Variants in ATXN1 observed in about 807,000 individuals in gnomAD.
The protein encoded by ATXN1 is ataxin 1.
ATXN1 carries 8 observed loss-of-function variants against 56.4 expected under a neutral mutation model. That is an observed-to-expected ratio of 0.14 (90% CI 0.08 to 0.26). The LOEUF (loss-of-function observed/expected upper bound fraction) is 0.26. Ranked by LOEUF, ATXN1 falls within the 10% of genes least tolerant of loss-of-function variation. The probability of loss-of-function intolerance (pLI) is 1.00; values close to 1 mark genes in which losing one functional copy is unlikely to be tolerated. For synonymous variants in ATXN1, 514 were observed against 494.6 expected, an observed-to-expected ratio of 1.04 and a Z score of -0.52; for missense variants, 987 against 1,106.5, an observed-to-expected ratio of 0.89 and a Z score of 1.53.
chr6:16,585,351 T>C (rs1186984230), intron 4 of ATXN1, among the ~76,000 whole-genome samples: 2 of 152,172 alleles, frequency 1.3e-5, no homozygotes, highest in Non-Finnish European at 2.9e-5. Context: ...TACTAATCAT[T>C]AATAACTATA....
intron 6 of ATXN1, among the ~76,000 whole-genome samples, chr6:16,399,365 T>C (rs1758520480): frequency 6.6e-6 from 1 of 152,192 alleles, no homozygotes; most frequent in Admixed American, 6.5e-5. Context: ...GAAAGGACTT[T>C]CCCTGCTGTT....
intron 4 of ATXN1, among the ~76,000 whole-genome samples, chr6:16,547,471 G>A (rs1761835251): frequency 6.6e-6 from 1 of 152,150 alleles, no homozygotes. Context: ...GAGAAGCGGT[G>A]GTGTGTGTGG....
At chr6:16,533,628 A>C (rs1761544739) in intron 4 of ATXN1, among the ~76,000 whole-genome samples, 1 of 152,196 alleles carries the variant, frequency 6.6e-6, no homozygotes, top group Admixed American at 6.5e-5. Context: ...GAAAGGGCAA[A>C]GAGGTAAAAG....
At chr6:16,555,957 T>C (rs753193389) in intron 4 of ATXN1, among the ~76,000 whole-genome samples, 6 of 152,240 alleles carry the variant, frequency 3.9e-5, no homozygotes, top group Non-Finnish European at 7.3e-5. Context: ...AATACCTCTC[T>C]AGTTTGGCTT....
chr6:16,389,605 C>T (rs1304580803), intron 6 of ATXN1, among the ~76,000 whole-genome samples: 1 of 152,194 alleles, frequency 6.6e-6, no homozygotes, highest in African/African-American at 2.4e-5. Flanking sequence ...ACAATCCTTT[C>T]ACTACAAGAA....
At chr6:16,581,474 G>A (rs1375454965) in intron 4 of ATXN1, among the ~76,000 whole-genome samples, 1 of 152,042 alleles carries the variant, frequency 6.6e-6, no homozygotes, top group Admixed American at 6.6e-5. Flanking sequence ...GGCCTAAGGA[G>A]ATAAAAGAAA....
At chr6:16,738,684 C>A (rs1158536039) in intron 2 of ATXN1, 1 of 152,210 alleles carries the variant, frequency 6.6e-6, no homozygotes, top group Non-Finnish European at 1.5e-5. Flanking sequence ...GGCACTGGCC[C>A]TGGCTTAGAA....
chr6:16,331,970 T>C (rs930023734), intron 6 of ATXN1, among the ~76,000 whole-genome samples: 4 of 152,256 alleles, frequency 2.6e-5, no homozygotes, highest in African/African-American at 9.6e-5. Flanking sequence ...CTAAGACATA[T>C]TGGCCTTAAC....
intron 3 of ATXN1, among the ~76,000 whole-genome samples, chr6:16,601,722 G>A (rs1005292341): frequency 2.2e-4 from 33 of 152,114 alleles, no homozygotes; most frequent in East Asian, 7.7e-4. Context: ...GTGTGGTGGC[G>A]GGCACCTGTA....
intron 4 of ATXN1, among the ~76,000 whole-genome samples, chr6:16,536,238 A>G (rs750925301): frequency 3.9e-5 from 6 of 152,016 alleles, no homozygotes; most frequent in Non-Finnish European, 8.8e-5. Flanking sequence ...TAATAATAGT[A>G]ATAATAAAAT....
intron 6 of ATXN1, among the ~76,000 whole-genome samples, chr6:16,346,726 C>T (rs1377890285): frequency 7.0e-6 from 1 of 143,596 alleles, no homozygotes; most frequent in Non-Finnish European, 1.5e-5. Context: ...TACTGGCAGC[C>T]CTCACAGCCC....
chr6:16,431,975 C>T (rs1008858642), intron 6 of ATXN1, among the ~76,000 whole-genome samples: 2 of 152,078 alleles, frequency 1.3e-5, no homozygotes, highest in Non-Finnish European at 2.9e-5. Context: ...CCAGTCTCTG[C>T]GCAGGAGTTT....
At chr6:16,608,917 TA>T (rs1763057150) in intron 3 of ATXN1, among the ~76,000 whole-genome samples, 1 of 152,184 alleles carries the variant, frequency 6.6e-6, no homozygotes, top group South Asian at 2.1e-4. Context: ...TTGTGTTTTG[TA>T]AATTTCCCCT....
At chr6:16,543,053 A>G (rs1761745799) in intron 4 of ATXN1, among the ~76,000 whole-genome samples, 1 of 152,194 alleles carries the variant, frequency 6.6e-6, no homozygotes, top group African/African-American at 2.4e-5. Context: ...GTTCACAGGG[A>G]ACGGAACACA....
chr6:16,729,244 A>T (rs1342645652), intron 2 of ATXN1, among the ~76,000 whole-genome samples: 1 of 152,146 alleles, frequency 6.6e-6, no homozygotes, highest in Non-Finnish European at 1.5e-5. Flanking sequence ...GTGTATATTT[A>T]TATGTTTTGC....
intron 6 of ATXN1, among the ~76,000 whole-genome samples, chr6:16,345,408 G>C (rs1192686235): frequency 6.6e-6 from 1 of 152,202 alleles, no homozygotes; most frequent in African/African-American, 2.4e-5. Context: ...CACCTCGGTA[G>C]TCTCTGGATT....
chr6:16,453,587 T>C (rs1759800340), intron 6 of ATXN1, among the ~76,000 whole-genome samples: 1 of 152,198 alleles, frequency 6.6e-6, no homozygotes, highest in Non-Finnish European at 1.5e-5. Flanking sequence ...TTCATTATCA[T>C]TATCATCATC....
intron 6 of ATXN1, among the ~76,000 whole-genome samples, chr6:16,454,370 T>A (rs1271664015): frequency 6.6e-6 from 1 of 152,136 alleles, no homozygotes; most frequent in African/African-American, 2.4e-5. Context: ...AAGGAACTAC[T>A]TGTATAGAAA....
intron 2 of ATXN1, among the ~76,000 whole-genome samples, chr6:16,707,776 T>C (rs191046474): frequency 6.6e-6 from 1 of 152,224 alleles, no homozygotes; most frequent in East Asian, 1.9e-4. Flanking sequence ...AAATTACTGA[T>C]AATTTTTAGA....
Sources: gnomAD v4.1 joint callset for allele counts (sites outside exome capture counted in the v4.1 genomes callset) on GRCh38, gnomAD v4.1.1 for gene constraint, MANE v1.5 for transcripts, NCBI Gene and HGNC (gene_info 2026-07-23, HGNC 2026-07-21) for gene names.